Variants in PINX1 observed in about 807,000 individuals in gnomAD.
PINX1 encodes the protein PIN2 (TERF1) interacting telomerase inhibitor 1.
In PINX1, 34 loss-of-function variants were observed where a neutral mutation model predicts 25.4. The ratio of observed to expected loss-of-function variants is 1.34; its 90% CI spans 1.02 to 1.78. The LOEUF (loss-of-function observed/expected upper bound fraction) is 1.78, where lower values mean the gene tolerates loss of function less well. Ranked by LOEUF, PINX1 falls within the 40% of genes most tolerant of loss-of-function variation. PINX1 has a pLI of 0.00. For synonymous variants in PINX1, 197 were observed against 147.7 expected, an observed-to-expected ratio of 1.33 and a Z score of -2.42; for missense variants, 592 against 404.9, an observed-to-expected ratio of 1.46 and a Z score of -3.97.
intron 6 of PINX1, among the ~76,000 whole-genome samples, chr8:10,808,755 T>C (rs913113648): frequency 6.0e-5 from 9 of 149,622 alleles, no homozygotes; most frequent in African/African-American, 1.9e-4. Flanking sequence ...TTTTCACCTA[T>C]TGGTAAACCT....
At chr8:10,777,548 T>C (rs988800166) in intron 6 of PINX1, among the ~76,000 whole-genome samples, 1 of 151,658 alleles carries the variant, frequency 6.6e-6, no homozygotes, top group Non-Finnish European at 1.5e-5. Context: ...TGAAGGGGGG[T>C]TGGGTGTGCG....
intron 6 of PINX1, among the ~76,000 whole-genome samples, chr8:10,800,375 G>GA (rs1334031980): frequency 1.3e-5 from 2 of 152,068 alleles, no homozygotes; most frequent in African/African-American, 4.8e-5. Flanking sequence ...TTCTTTTACT[G>GA]AAAGAGCTGT....
intron 6 of PINX1, among the ~76,000 whole-genome samples, chr8:10,783,931 A>C (rs1008517866): frequency 2.6e-5 from 4 of 152,194 alleles, no homozygotes; most frequent in African/African-American, 9.7e-5. Context: ...TTTATGAATC[A>C]CTTGTAACTT....
chr8:10,774,723 C>CT (rs1476894625), intron 6 of PINX1, among the ~76,000 whole-genome samples: 4 of 152,160 alleles, frequency 2.6e-5, no homozygotes, highest in Non-Finnish European at 4.4e-5. Context: ...CAAAAAAAGT[C>CT]TCGTCTTTCA....
At chr8:10,811,003 T>C (rs1797498675) in intron 6 of PINX1, among the ~76,000 whole-genome samples, 1 of 152,256 alleles carries the variant, frequency 6.6e-6, no homozygotes, top group Non-Finnish European at 1.5e-5. Flanking sequence ...TAAGTTATTA[T>C]TGGCCATTTT....
chr8:10,833,007 G>C, intron 2 of PINX1, 23 bp from the exon 3 acceptor site: 1 of 1,448,022 alleles, frequency 6.9e-7, no homozygotes, highest in South Asian at 1.2e-5. Context: ...AACACAGAGA[G>C]TTAGAACATT....
chr8:10,767,646 C>A (rs1801095670), intron 6 of PINX1, among the ~76,000 whole-genome samples: 1 of 152,236 alleles, frequency 6.6e-6, no homozygotes, highest in Non-Finnish European at 1.5e-5. Context: ...AGGATCTTCT[C>A]AAGGCTCTCC....
In PINX1 at chr8:10,839,828, G is replaced by C; in HGVS notation, c.-72C>G. ...GCCACTGGGCGGGCTGGAGACTCCAGGAGAATCAGGACGTGCGTAACTCCC... is the reference window on the plus strand; with the variant it reads ...GCCACTGGGCGGGCTGGAGACTCCACGAGAATCAGGACGTGCGTAACTCCC... On this transcript the variant is annotated 5_prime_UTR_variant, in exon 1 of 7. Transcript: ENST00000314787. 2 of 1,446,382 alleles carry C rather than the reference G, an allele frequency of 1.4e-6. No homozygotes were observed. The highest frequency in any genetic ancestry group is 1.2e-5 in the South Asian group (1 of 81,600). The allele number at this position is 1,446,382 out of a possible 1,614,324, so 89.6% of individuals were successfully genotyped here. A position where few individuals can be genotyped will look rare whatever the true frequency, so the allele number is the denominator to read the frequency against.
At chr8:10,793,547 C>G (rs929553571) in intron 6 of PINX1, among the ~76,000 whole-genome samples, 1 of 152,194 alleles carries the variant, frequency 6.6e-6, no homozygotes, top group Non-Finnish European at 1.5e-5. Context: ...AGCATGCAGC[C>G]CACCCGCCAT....
chr8:10,772,599 CT>C (rs1285091850), intron 6 of PINX1, among the ~76,000 whole-genome samples: 2 of 152,230 alleles, frequency 1.3e-5, no homozygotes, highest in Non-Finnish European at 2.9e-5. Context: ...CGCACCAAGT[CT>C]CGGCAATGAG....
intron 6 of PINX1, among the ~76,000 whole-genome samples, chr8:10,793,688 T>C (rs1486267520): frequency 6.6e-6 from 1 of 151,948 alleles, no homozygotes; most frequent in African/African-American, 2.4e-5. Flanking sequence ...TAAAGGTCAT[T>C]AATTTCAATA....
intron 6 of PINX1, among the ~76,000 whole-genome samples, chr8:10,789,851 T>A (rs945631189): frequency 1.3e-5 from 2 of 152,118 alleles, no homozygotes; most frequent in African/African-American, 4.8e-5. Flanking sequence ...GGATCATGGA[T>A]TTTTCCCCCT....
At position 10,765,332 on chromosome 8, in the gene PINX1, A is replaced by G; in HGVS notation, c.*69T>C. 1 of 1,410,098 alleles carries G rather than the reference A, an allele frequency of 7.1e-7. No homozygotes were observed. The highest frequency in any genetic ancestry group is 9.4e-7 in the Non-Finnish European group (1 of 1,060,042). The allele number at this position is 1,410,098 out of a possible 1,614,324, so 87.3% of individuals were successfully genotyped here. A position where few individuals can be genotyped will look rare whatever the true frequency, so the allele number is the denominator to read the frequency against. On this transcript the variant is annotated 3_prime_UTR_variant, in exon 7 of 7. Coordinates refer to ENST00000314787, the MANE Select transcript of PINX1 (RefSeq NM_017884.6). ...CTGGGGTGAACTCTGCTGTGACTTC[A>G]GGCCAGAGGTGTCTGCCCCCGCAGT...
At chr8:10,800,005 G>C (rs1024950252) in intron 6 of PINX1, among the ~76,000 whole-genome samples, 1 of 152,192 alleles carries the variant, frequency 6.6e-6, no homozygotes, top group Non-Finnish European at 1.5e-5. Context: ...GGGCAGAGCC[G>C]AGACTGCGAT....
chr8:10,825,343 A>G (rs1798002583), intron 5 of PINX1: 1 of 534,774 alleles, frequency 1.9e-6, no homozygotes, highest in Admixed American at 1.9e-5. Flanking sequence ...CCAACCTCCC[A>G]GGAAAGAACC....
At chr8:10,836,276 T>G (rs1012412070) in intron 1 of PINX1, among the ~76,000 whole-genome samples, 2 of 152,158 alleles carry the variant, frequency 1.3e-5, no homozygotes, top group Non-Finnish European at 2.9e-5. Flanking sequence ...GAATTTGTAG[T>G]GTTTTGCAGA....
At chr8:10,838,851 CT>C (rs1798483921) in intron 1 of PINX1, among the ~76,000 whole-genome samples, 1 of 152,204 alleles carries the variant, frequency 6.6e-6, no homozygotes, top group African/African-American at 2.4e-5. Flanking sequence ...ATTTCTGCCC[CT>C]GTAAAATCGG....
intron 6 of PINX1, among the ~76,000 whole-genome samples, chr8:10,774,241 T>C (rs950110867): frequency 9.2e-5 from 14 of 152,154 alleles, no homozygotes; most frequent in Non-Finnish European, 1.6e-4. Context: ...TCTTGAAGAT[T>C]CTATTAAATG....
intron 6 of PINX1, among the ~76,000 whole-genome samples, chr8:10,771,722 T>C (rs1303595789): frequency 1.3e-5 from 2 of 152,216 alleles, no homozygotes; most frequent in African/African-American, 4.8e-5. Context: ...TGTCTGCACA[T>C]CAGGCAGGTC....
Sources: allele counts gnomAD v4.1 joint callset (sites outside exome capture counted in the v4.1 genomes callset), GRCh38; gene constraint gnomAD v4.1.1; transcripts MANE v1.5; gene names NCBI Gene and HGNC (gene_info 2026-07-23, HGNC 2026-07-21).